Variants in PKLR observed in about 807,000 individuals in gnomAD.
PKLR encodes pyruvate kinase L/R.
PKLR carries 38 observed loss-of-function variants against 53.6 expected under a neutral mutation model. The observed-to-expected ratio is 0.71, with a 90% CI of 0.55 to 0.93. The LOEUF is 0.93. Among genes scored for constraint, PKLR ranks in the 40% least tolerant of loss-of-function variants. The pLI is 0.00. For missense variants in PKLR, 702 were observed against 787.3 expected (o/e 0.89, Z 1.30); for synonymous variants, 328 against 316.2 (o/e 1.04, Z -0.39).
chr1:155,298,563 G>C (rs1490255993), intron 2 of PKLR, among the ~76,000 whole-genome samples: 1 of 151,556 alleles, frequency 6.6e-6, no homozygotes, highest in Non-Finnish European at 1.5e-5. Flanking sequence ...CTGACCTCAG[G>C]TGATCCGCCC....
In PKLR at chr1:155,295,650, C is replaced by G; in HGVS notation, c.375+15G>C. On this transcript the variant is annotated intron_variant, in intron 3 of 10. Coordinates refer to ENST00000342741, the MANE Select transcript of PKLR (RefSeq NM_000298.6). The surrounding 1 kb of genome is among the most constrained non-coding windows in gnomAD (Gnocchi z 4.3). ...TCCTCCTGCCCCACCCACTGCCCGGCGGCCCGTCCCGCACCTCGTGGGAGC... is the reference window on the plus strand; with the variant it reads ...TCCTCCTGCCCCACCCACTGCCCGGGGGCCCGTCCCGCACCTCGTGGGAGC... The G allele has an allele frequency of 6.2e-7, 1 of 1,613,978 alleles. No individual in the cohort carries two copies. The highest frequency in any genetic ancestry group is 2.2e-5 in the East Asian group (1 of 44,876).
At chr1:155,307,325 T>C in the PKLR span, among the ~76,000 whole-genome samples, 2 of 152,258 alleles carry the variant, frequency 1.3e-5, no homozygotes, top group African/African-American at 4.8e-5. Context: ...GTCTGGCTTA[T>C]TTCACTTAGC....
upstream of PKLR, among the ~76,000 whole-genome samples, chr1:155,303,432 AG>A (rs979674819): frequency 7.9e-5 from 12 of 152,220 alleles, no homozygotes; most frequent in African/African-American, 2.9e-4. Flanking sequence ...TCAGGCCCTA[AG>A]GACACAGTAG....
chr1:155,297,431 C>T (rs781059718), intron 2 of PKLR, among the ~76,000 whole-genome samples: 14 of 152,064 alleles, frequency 9.2e-5, no homozygotes, highest in African/African-American at 1.2e-4. Context: ...CTTTCTTTCT[C>T]GCCCACACTC....
At position 155,301,359 on chromosome 1, in the gene PKLR, G is replaced by A. The variant is rs772818969; in HGVS notation, c.37C>T (p.Arg13Trp). 1.2e-5 allele frequency: 19 copies of A among 1,613,866 alleles called. No individual in the cohort carries two copies. The highest frequency in any genetic ancestry group is 8.9e-5 in the East Asian group (4 of 44,890). Residue 13 changes from arginine (R) to tryptophan (W), a missense_variant, in exon 1 of 11, where the codon CGG becomes TGG. Arg to Trp is a moderately radical substitution (Grantham distance 101, BLOSUM62 -3). This residue lies in a region of PKLR where 519 missense variants were observed against 537.1 expected (regional missense o/e 0.97). Transcript: ENST00000342741. ...CTTTGGGACTTAGAGACCCATGACCGAAGCTGCAGGGATGATATGTTCTCC... is the reference window on the plus strand; with the variant it reads ...CTTTGGGACTTAGAGACCCATGACCAAAGCTGCAGGGATGATATGTTCTCC... ...IQENISSLQL[R>W]SWVSKSQRDL...
the PKLR span, among the ~76,000 whole-genome samples, chr1:155,307,771 G>A: frequency 3.9e-5 from 6 of 152,288 alleles, no homozygotes; most frequent in African/African-American, 1.2e-4. Flanking sequence ...GAGGTCAGGA[G>A]TTCGAGACCA....
chr1:155,302,633 A>C (rs1283242743), upstream of PKLR, among the ~76,000 whole-genome samples: 1 of 151,786 alleles, frequency 6.6e-6, no homozygotes, highest in East Asian at 1.9e-4. Flanking sequence ...CGGCCTCTCA[A>C]ACTGGTGGGA....
At position 155,295,009 on chromosome 1, in the gene PKLR, G is replaced by C; in HGVS notation, c.694+107C>G. 1.5e-6 allele frequency: 2 copies of C among 1,307,008 alleles called. No homozygotes were observed. The highest frequency in any genetic ancestry group is 3.9e-5 in the Admixed American group (2 of 51,132). 81.0% of individuals were successfully genotyped at this position (1,307,008 alleles called of 1,614,324 possible). On this transcript the variant is annotated intron_variant, in intron 5 of 10. Transcript: ENST00000342741. The surrounding 1 kb of genome is among the most constrained non-coding windows in gnomAD (Gnocchi z 4.3). ...ACTCCTGGGACGGGCTGGCAAAAAC[G>C]CGTGGCCAGGGGAAGGTGTGATCGG...
In PKLR at chr1:155,294,678, C is replaced by A. The variant is rs752053420; in HGVS notation, c.769G>T (p.Ala257Ser). The A allele has an allele frequency of 6.2e-7, 1 of 1,614,088 alleles. No individual in the cohort carries two copies. Among genetic ancestry groups the A allele is most frequent in the South Asian group, 1.1e-5 (1 of 91,078 alleles). Residue 257 changes from alanine to serine, a missense_variant, in exon 6 of 11, where the codon GCC (alanine) becomes TCC (serine). Coordinates refer to ENST00000342741, the MANE Select transcript of PKLR (RefSeq NM_000298.6). ...GACAGCCCGGGCAAGTCCACCTGGG[C>A]CCCTGGCAAGTTCACGCCCTTCCGG... is the stretch of plus-strand genomic sequence containing the variant. ...GSRKGVNLPG[A>S]QVDLPGLSEQ...
At chr1:155,292,500 T>C (rs1647264923) in intron 9 of PKLR, among the ~76,000 whole-genome samples, 1 of 151,928 alleles carries the variant, frequency 6.6e-6, no homozygotes, top group Non-Finnish European at 1.5e-5. Context: ...TGCAGGGCGT[T>C]GTGGCATGCG....
At position 155,300,215 on chromosome 1, in the gene PKLR, A is replaced by G; in HGVS notation, c.166T>C (p.Phe56Leu). 6.2e-7 allele frequency: 1 copy of G among 1,613,532 alleles called. No homozygotes were observed. The highest frequency in any genetic ancestry group is 8.5e-7 in the Non-Finnish European group (1 of 1,179,784). Residue 56 changes from phenylalanine (F) to leucine (L), a missense_variant, in exon 2 of 11, where the codon TTC becomes CTC. Physicochemically the swap from Phe to Leu is conservative, Grantham distance 22 (BLOSUM62 0). Around this residue, in one of 2 missense-constraint regions of PKLR, gnomAD observed 519 missense variants for 537.1 expected, o/e 0.97. Coordinates refer to ENST00000342741, the MANE Select transcript of PKLR (RefSeq NM_000298.6). ...GCAGCTGGCAGCTGCTGCTGCTGGA[A>G]GAAGGCAGTGCCCAGCTCCTGGGTC... ...QLTQELGTAF[F>L]QQQQLPAAMA...
intron 2 of PKLR, among the ~76,000 whole-genome samples, chr1:155,299,872 A>G (rs1251688751): frequency 6.6e-6 from 1 of 152,130 alleles, no homozygotes; most frequent in South Asian, 2.1e-4. Flanking sequence ...ATTTATTGTC[A>G]TACTCAGCTA....
rs1553231291 is a variant in PKLR, at chr1:155,298,953, C to CCTTCCTTTCTTT, written c.283+1144_283+1145insAAAGAAAGGAAG. Among the ~76,000 whole-genome samples the CCTTCCTTTCTTT allele has an allele frequency of 2.9e-5, 3 of 103,932 alleles. No homozygotes were observed. The East Asian group carries it at 7.2e-4, about 25-fold the overall frequency. 68.2% of individuals were successfully genotyped at this position (103,932 alleles called of 152,430 possible). ...CCACCATGCCCGGCCAACTTTCACT[C>CCTTCCTTTCTTT]CTTTCTTTCTTTCTTTCTTTCTTTC... On this transcript the variant is annotated intron_variant, in intron 2 of 10. Coordinates refer to ENST00000342741, the MANE Select transcript of PKLR (RefSeq NM_000298.6).
intron 9 of PKLR, 50 bp from the exon 10 acceptor site, chr1:155,291,987 GA>G (rs1489947528): frequency 1.2e-5 from 18 of 1,547,054 alleles, no homozygotes; most frequent in Non-Finnish European, 1.6e-5. Flanking sequence ...AGTGGTGAAC[GA>G]GGAAAGGAGA....
At chr1:155,300,304 A>T (rs763295556) in intron 1 of PKLR, 24 bp from the exon 2 acceptor site, 1 of 1,555,942 alleles carries the variant, frequency 6.4e-7, no homozygotes, top group Non-Finnish European at 8.7e-7. Context: ...GGGCTCAGGG[A>T]CTGCATGTCA....
In PKLR at chr1:155,293,556, G is replaced by T; in HGVS notation, c.1151C>A (p.Thr384Lys). 1.2e-6 allele frequency: 2 copies of T among 1,614,188 alleles called. No individual in the cohort carries two copies. The highest frequency in any genetic ancestry group is 1.7e-6 in the Non-Finnish European group (2 of 1,180,036). ...GGCGACATCGCTTGTCTCTGCCCTCGTTGGCCGGGGCTTGGTAATCATGCT... is the reference window on the plus strand; with the variant it reads ...GGCGACATCGCTTGTCTCTGCCCTCTTTGGCCGGGGCTTGGTAATCATGCT... ...LESMITKPRPTRAETSDVANA... is the reference protein window; with the variant it reads ...LESMITKPRPKRAETSDVANA... The change falls in exon 8 of 11, where the codon ACG becomes AAG. Residue 384 changes from threonine (T) to lysine (K), a missense_variant. Physicochemically the swap from Thr to Lys is moderately conservative, Grantham distance 78. Transcript: ENST00000342741. The surrounding 1 kb of genome is among the most constrained non-coding windows in gnomAD (Gnocchi z 4.2).
At chr1:155,305,477 G>A (rs1226448898), upstream of PKLR, among the ~76,000 whole-genome samples, 3 of 152,200 alleles carry the variant, frequency 2.0e-5, no homozygotes, top group East Asian at 5.8e-4. Context: ...GGAGGGAAAT[G>A]AGCATGGGGC....
At chr1:155,307,090 T>C in the PKLR span, among the ~76,000 whole-genome samples, 1 of 152,156 alleles carries the variant, frequency 6.6e-6, no homozygotes, top group Non-Finnish European at 1.5e-5. Flanking sequence ...AATTTTGGAT[T>C]TTTTAGTAGA....
chr1:155,300,788 A>G, intron 1 of PKLR: 2 of 1,440,478 alleles, frequency 1.4e-6, no homozygotes, highest in Non-Finnish European at 9.6e-7. Context: ...CCATCCTCTG[A>G]GTCTCCCCAG....
Sources: allele counts gnomAD v4.1 joint callset (sites outside exome capture counted in the v4.1 genomes callset), GRCh38; gene constraint gnomAD v4.1.1; regional missense constraint gnomAD v4.1.1; non-coding constraint Gnocchi (gnomAD v3.1); transcripts MANE v1.5; gene names NCBI Gene and HGNC (gene_info 2026-07-23, HGNC 2026-07-21).